Variants in MCF2L2 observed in about 807,000 individuals in gnomAD.
MCF2L2 encodes MCF.2 cell line derived transforming sequence-like 2.
In MCF2L2, 102 loss-of-function variants were observed where a neutral mutation model predicts 150.2. That is an observed-to-expected ratio of 0.68 (90% CI 0.58 to 0.80). The LOEUF is 0.80. Among genes scored for constraint, MCF2L2 ranks in the 30% least tolerant of loss-of-function variants. MCF2L2 has a pLI of 0.00. For missense variants in MCF2L2, 1,256 were observed against 1,372.8 expected (o/e 0.91, Z 1.34); for synonymous variants, 465 against 491.3 (o/e 0.95, Z 0.71).
intron 2 of MCF2L2, among the ~76,000 whole-genome samples, chr3:183,385,770 C>T (rs965057936): frequency 1.3e-5 from 2 of 152,194 alleles, no homozygotes; most frequent in South Asian, 4.1e-4. Context: ...AGTTAGAAAG[C>T]TAAATGCTTG....
intron 10 of MCF2L2, among the ~76,000 whole-genome samples, chr3:183,308,034 A>C (rs1729184546): frequency 6.6e-6 from 1 of 152,230 alleles, no homozygotes. Context: ...CATTCTAGCT[A>C]AAGTAGCATC....
chr3:183,423,545 A>T lies in MCF2L2; in HGVS notation c.76+4357T>A, dbSNP rs559388429. ...ATGTAAAATAATTATGTCTAATATG[A>T]GGGGGCAAGGTGGAAAGTGAGCCAT... On this transcript the variant is annotated intron_variant, in intron 1 of 29. Transcript: ENST00000328913. Among the ~76,000 whole-genome samples, 160 of 151,176 alleles carry T rather than the reference A, an allele frequency of 1.1e-3. 1 individual carries two copies. The highest frequency in any genetic ancestry group is 9.7e-4 in the Non-Finnish European group (66 of 67,800).
At chr3:183,308,370 G>C (rs1729204922) in intron 10 of MCF2L2, among the ~76,000 whole-genome samples, 1 of 151,994 alleles carries the variant, frequency 6.6e-6, no homozygotes, top group Non-Finnish European at 1.5e-5. Context: ...AAATTATTTT[G>C]AAAAAACTAA....
chr3:183,219,465 G>T (rs1181116529), intron 21 of MCF2L2, among the ~76,000 whole-genome samples: 1 of 152,140 alleles, frequency 6.6e-6, no homozygotes, highest in Non-Finnish European at 1.5e-5. Flanking sequence ...AAAAAAATTA[G>T]CTGTGCATGG....
chr3:183,200,621 A>C (rs1301780720), intron 25 of MCF2L2, among the ~76,000 whole-genome samples: 3 of 152,164 alleles, frequency 2.0e-5, no homozygotes, highest in Non-Finnish European at 1.5e-5. Flanking sequence ...GAAACTCTTT[A>C]GTTTAATTAG....
intron 3 of MCF2L2, among the ~76,000 whole-genome samples, chr3:183,355,613 A>T (rs1711723954): frequency 1.2e-5 from 1 of 84,454 alleles, no homozygotes; most frequent in Non-Finnish European, 2.2e-5. Context: ...CGCCCAGCTA[A>T]TTTTTTTTTT....
chr3:183,179,401 C>T lies in MCF2L2; in HGVS notation c.3324G>A (p.Arg1108=), dbSNP rs769072656. The T allele has an allele frequency of 6.4e-7, 1 of 1,556,006 alleles. No homozygotes were observed. ...AGFQARALRP[R]TSAQES ...GAGGTCAGCTCTCCTGGGCGGAGGT[C>T]CTCGGGCGCAGCGCCCTCGCCTGGA... The change falls in exon 30 of 30, where the codon AGG becomes AGA. Residue 1108 remains arginine (R), a synonymous_variant. Coordinates refer to ENST00000328913, the MANE Select transcript of MCF2L2 (RefSeq NM_015078.4). This position sits in a 1 kb window ranked among gnomAD's most constrained non-coding sequence, Gnocchi z 4.2.
rs113960352 is a variant in MCF2L2 at position 183,276,839 on chromosome 3, TC to T, written c.1862+32del. ...CTCGCCACCCATGCCCCGCACCCCCTCGCCCCCTGCACCCACGGATGTGCAG... is the reference window on the plus strand; with the variant it reads ...CTCGCCACCCATGCCCCGCACCCCCTGCCCCCTGCACCCACGGATGTGCAG... On this transcript the variant is annotated intron_variant, in intron 15 of 29. Coordinates refer to ENST00000328913, the MANE Select transcript of MCF2L2 (RefSeq NM_015078.4). 7,950 of 1,529,382 alleles carry T rather than the reference TC, an allele frequency of 5.2e-3. 332 individuals are homozygous for T. The African/African-American group carries it at 0.089, about 17-fold the overall frequency. The allele number at this position is 1,529,382 out of a possible 1,614,324, so 94.7% of individuals were successfully genotyped here.
intron 3 of MCF2L2, among the ~76,000 whole-genome samples, chr3:183,350,073 G>A (rs1055644981): frequency 1.3e-5 from 2 of 152,162 alleles, no homozygotes; most frequent in African/African-American, 4.8e-5. Context: ...ATGTTCCTCA[G>A]AACAAGACTC....
At chr3:183,261,961 T>TAAAAA (rs59219335) in intron 15 of MCF2L2, among the ~76,000 whole-genome samples, 1 of 112,118 alleles carries the variant, frequency 8.9e-6, no homozygotes, top group African/African-American at 3.3e-5. Context: ...TGTCCAGCAT[T>TAAAAA]AAAAAAAAAA....
At chr3:183,420,541 G>A (rs190360358) in intron 1 of MCF2L2, among the ~76,000 whole-genome samples, 10 of 152,296 alleles carry the variant, frequency 6.6e-5, no homozygotes, top group Non-Finnish European at 1.3e-4. Flanking sequence ...GGAGGTTGCA[G>A]TGTGCTGAAA....
At chr3:183,311,120 G>A (rs775311357) in intron 8 of MCF2L2, 91 bp from the exon 9 acceptor site, 12 of 701,926 alleles carry the variant, frequency 1.7e-5, no homozygotes, top group South Asian at 6.9e-5. Flanking sequence ...CTGTGTCTTC[G>A]GTCAGTGGTG....
At chr3:183,244,865 A>G (rs1414013702) in intron 15 of MCF2L2, among the ~76,000 whole-genome samples, 1 of 151,810 alleles carries the variant, frequency 6.6e-6, no homozygotes, top group African/African-American at 2.4e-5. Flanking sequence ...CTCTTGGCCT[A>G]TGTTTGGGGT....
intron 5 of MCF2L2, among the ~76,000 whole-genome samples, chr3:183,334,922 T>C (rs1730412974): frequency 6.6e-6 from 1 of 151,296 alleles, no homozygotes; most frequent in Non-Finnish European, 1.5e-5. Flanking sequence ...CTGGGCAACA[T>C]GGTGAAACTC....
At chr3:183,334,728 T>C (rs1577070546) in intron 5 of MCF2L2, among the ~76,000 whole-genome samples, 1 of 147,062 alleles carries the variant, frequency 6.8e-6, no homozygotes. Flanking sequence ...GGGAGGCAGA[T>C]GTTCCAGTGA....
At chr3:183,301,793 CAAA>C (rs200514561) in intron 10 of MCF2L2, among the ~76,000 whole-genome samples, 25 of 124,300 alleles carry the variant, frequency 2.0e-4, no homozygotes, top group Admixed American at 2.4e-4. Flanking sequence ...GCTCTGTCTC[CAAA>C]AAAAAAAAAA....
intron 1 of MCF2L2, among the ~76,000 whole-genome samples, chr3:183,406,692 T>C (rs1715061921): frequency 1.3e-5 from 2 of 152,160 alleles, no homozygotes; most frequent in Non-Finnish European, 2.9e-5. Context: ...TTTCACCACA[T>C]TGGCCAGGCT....
rs145002633 is a variant in MCF2L2 at position 183,276,926 on chromosome 3, C to G, written c.1808G>C (p.Arg603Thr). ...CTGCTGCTCCAGCTCAGGGTTCCCCCTTTCATGATGGCTTTCAAAGATTTC... is the reference window on the plus strand; with the variant it reads ...CTGCTGCTCCAGCTCAGGGTTCCCCGTTTCATGATGGCTTTCAAAGATTTC... ...SEEIFESHHE[R>T]GNPELEQQAR... The change falls in exon 15 of 30, where the codon AGG (arginine) becomes ACG (threonine). Residue 603 changes from arginine to threonine, a missense_variant. Coordinates refer to ENST00000328913, the MANE Select transcript of MCF2L2 (RefSeq NM_015078.4). The G allele has an allele frequency of 7.5e-6, 12 of 1,610,230 alleles. No homozygotes were observed. In the African/African-American group the frequency reaches 9.4e-5, roughly 13 times the overall value.
At chr3:183,326,952 G>C (rs1730069172) in intron 5 of MCF2L2, among the ~76,000 whole-genome samples, 1 of 152,082 alleles carries the variant, frequency 6.6e-6, no homozygotes, top group African/African-American at 2.4e-5. Context: ...GAAACAACCG[G>C]ACATTCATAT....
Sources: allele counts gnomAD v4.1 joint callset (sites outside exome capture counted in the v4.1 genomes callset), GRCh38; gene constraint gnomAD v4.1.1; non-coding constraint Gnocchi (gnomAD v3.1); transcripts MANE v1.5; gene names NCBI Gene and HGNC (gene_info 2026-07-23, HGNC 2026-07-21).